CNTN5: variants seen among roughly 807,000 people sequenced by gnomAD.
The protein encoded by CNTN5 is contactin-5.
CNTN5 carries 77 observed loss-of-function variants against 129.1 expected under a neutral mutation model. The ratio of observed to expected loss-of-function variants is 0.60; its 90% CI spans 0.50 to 0.72. CNTN5 has a LOEUF of 0.72. CNTN5 is among the 30% of genes least tolerant of loss of function. CNTN5 has a pLI of 0.00. For missense variants in CNTN5, 1,478 were observed against 1,328.8 expected, an observed-to-expected ratio of 1.11 and a Z score of -1.75; for synonymous variants, 509 against 465.6, an observed-to-expected ratio of 1.09 and a Z score of -1.20.
intron 3 of CNTN5, among the ~76,000 whole-genome samples, chr11:99,704,660 A>C (rs529473431): frequency 1.3e-5 from 2 of 151,398 alleles, no homozygotes; most frequent in Admixed American, 1.3e-4. Context: ...CTACATTTAA[A>C]ATATTAAATA....
chr11:99,329,180 A>G (rs1865906625), intron 2 of CNTN5, among the ~76,000 whole-genome samples: 2 of 152,198 alleles, frequency 1.3e-5, no homozygotes, highest in Non-Finnish European at 2.9e-5. Context: ...TGCCCAAAGC[A>G]AGAGGAAGAA....
chr11:99,785,542 CAAAG>C (rs1209812749), intron 3 of CNTN5, among the ~76,000 whole-genome samples: 1 of 152,018 alleles, frequency 6.6e-6, no homozygotes, highest in Non-Finnish European at 1.5e-5. Flanking sequence ...AGAGACCCAA[CAAAG>C]AAAATTTCAG....
At chr11:99,945,383 A>G (rs1447435058) in intron 7 of CNTN5, among the ~76,000 whole-genome samples, 1 of 151,980 alleles carries the variant, frequency 6.6e-6, no homozygotes, top group Non-Finnish European at 1.5e-5. Flanking sequence ...TTTTATGTAT[A>G]TATGTAGTTT....
intron 18 of CNTN5, among the ~76,000 whole-genome samples, chr11:100,272,155 CAAAT>C (rs1950418792): frequency 6.6e-6 from 1 of 152,036 alleles, no homozygotes; most frequent in Non-Finnish European, 1.5e-5. Context: ...ATATGAGTCT[CAAAT>C]AAAAGTGCAC....
intron 2 of CNTN5, among the ~76,000 whole-genome samples, chr11:99,360,417 G>A (rs186723348): frequency 1.6e-4 from 24 of 152,234 alleles, no homozygotes; most frequent in African/African-American, 4.3e-4. Context: ...TTCTCTGTTC[G>A]GCTCCATGGC....
intron 3 of CNTN5, among the ~76,000 whole-genome samples, chr11:99,734,922 G>C (rs1943652069): frequency 6.6e-6 from 1 of 152,200 alleles, no homozygotes; most frequent in African/African-American, 2.4e-5. Flanking sequence ...GCAAGAGAAT[G>C]GCGTGAAGCC....
chr11:100,081,159 A>G (rs1258849074), intron 13 of CNTN5, among the ~76,000 whole-genome samples: 2 of 152,098 alleles, frequency 1.3e-5, no homozygotes, highest in East Asian at 3.9e-4. Flanking sequence ...TTATTAGAAA[A>G]AATTTTAAAA....
Position 99,317,536 on chromosome 11 carries a change from C to T in CNTN5, c.-209-7810C>T, listed in dbSNP as rs144114878. On this transcript the variant is annotated intron_variant, in intron 1 of 24. Coordinates refer to ENST00000524871, the MANE Select transcript of CNTN5 (RefSeq NM_014361.4). ...TTTTTGGAAAAGCTCATTTTGGGAACCTTTCCAGTCTGTCTTGGTGGTTTC... is the reference window on the plus strand; with the variant it reads ...TTTTTGGAAAAGCTCATTTTGGGAATCTTTCCAGTCTGTCTTGGTGGTTTC... Among the ~76,000 whole-genome samples the T allele has an allele frequency of 3.6e-3, 552 of 152,028 alleles. 5 individuals are homozygous for T. The highest frequency in any genetic ancestry group is 0.011 in the African/African-American group (453 of 41,478).
chr11:100,341,130 GCAAGGCTCT>G lies in CNTN5; in HGVS notation c.2958_2966del (p.Gly987_Gln989del). ...CACCTAGCAACCTCAGGTGGGAGCA[GCAAGGCTCT>G]CAGGTTTCTCTGGGCTGGGAACCCG... On this transcript the variant is annotated inframe_deletion, in exon 23 of 25. Transcript: ENST00000524871. 2 of 1,613,900 alleles carry G rather than the reference GCAAGGCTCT, an allele frequency of 1.2e-6. No individual in the cohort carries two copies. Among genetic ancestry groups the G allele is most frequent in the Non-Finnish European group, 1.7e-6 (2 of 1,179,792 alleles).
intron 3 of CNTN5, among the ~76,000 whole-genome samples, chr11:99,563,573 T>C (rs1948910191): frequency 6.6e-6 from 1 of 152,214 alleles, no homozygotes; most frequent in Admixed American, 6.5e-5. Context: ...TAAAATAGCA[T>C]GTATTCTTTC....
At position 99,918,225 on chromosome 11, in the gene CNTN5, C is replaced by G. The variant is rs141334095; in HGVS notation, c.673+2076C>G. Among the ~76,000 whole-genome samples the G allele has an allele frequency of 6.0e-3, 916 of 152,144 alleles. 6 individuals carry two copies. The highest frequency in any genetic ancestry group is 0.01 in the Middle Eastern group (3 of 294). On this transcript the variant is annotated intron_variant, in intron 7 of 24. Transcript: ENST00000524871. Reference sequence around the variant, plus strand: ...AATTTTGTCATCTCTCTTTTGCTTTCGCACACTGACATTCCAGTTTGCAAA... The same window carrying G: ...AATTTTGTCATCTCTCTTTTGCTTTGGCACACTGACATTCCAGTTTGCAAA...
At chr11:99,564,956 A>G (rs1354547357) in intron 3 of CNTN5, among the ~76,000 whole-genome samples, 1 of 152,152 alleles carries the variant, frequency 6.6e-6, no homozygotes, top group Non-Finnish European at 1.5e-5. Context: ...GGTTTTTTTA[A>G]CTATCATATT....
intron 13 of CNTN5, among the ~76,000 whole-genome samples, chr11:100,170,343 T>C (rs1221696965): frequency 6.6e-6 from 1 of 152,012 alleles, no homozygotes; most frequent in East Asian, 1.9e-4. Context: ...GCACAAATGA[T>C]GCAGTTATTT....
intron 6 of CNTN5, among the ~76,000 whole-genome samples, chr11:99,861,645 A>G (rs1464612836): frequency 6.6e-6 from 1 of 152,200 alleles, no homozygotes; most frequent in Non-Finnish European, 1.5e-5. Flanking sequence ...TTGACTATAA[A>G]TATTATCAGG....
chr11:99,647,392 T>C (rs1253153814), intron 3 of CNTN5, among the ~76,000 whole-genome samples: 1 of 152,096 alleles, frequency 6.6e-6, no homozygotes, highest in Admixed American at 6.6e-5. Flanking sequence ...GTTCCATTGG[T>C]CTATGTGTTT....
intron 1 of CNTN5, among the ~76,000 whole-genome samples, chr11:99,093,267 TTAAA>T (rs1336419885): frequency 6.6e-6 from 1 of 152,092 alleles, no homozygotes; most frequent in African/African-American, 2.4e-5. Context: ...TAGATATTAA[TTAAA>T]TACAGAAATT....
At chr11:100,252,219 T>C (rs577860547) in intron 16 of CNTN5, among the ~76,000 whole-genome samples, 1 of 152,304 alleles carries the variant, frequency 6.6e-6, no homozygotes, top group East Asian at 1.9e-4. Flanking sequence ...TGTCTTCTTT[T>C]GATAAATGTC....
At chr11:99,153,994 C>A (rs1405696857) in intron 1 of CNTN5, among the ~76,000 whole-genome samples, 2 of 152,060 alleles carry the variant, frequency 1.3e-5, no homozygotes, top group Non-Finnish European at 2.9e-5. Context: ...TGTTTTCTGG[C>A]CCCTAGAGGT....
intron 3 of CNTN5, among the ~76,000 whole-genome samples, chr11:99,704,873 A>G (rs1186176418): frequency 1.3e-5 from 2 of 151,292 alleles, no homozygotes; most frequent in Non-Finnish European, 3.0e-5. Flanking sequence ...TTCCCAGAAG[A>G]TAGCATGTTT....
Sources: allele counts gnomAD v4.1 joint callset (sites outside exome capture counted in the v4.1 genomes callset), GRCh38; gene constraint gnomAD v4.1.1; transcripts MANE v1.5; gene names NCBI Gene and HGNC (gene_info 2026-07-23, HGNC 2026-07-21).